The following ANKRD18B variants were observed in gnomAD, a reference collection of about 807,000 sequenced individuals.
ANKRD18B encodes the protein ankyrin repeat domain 18B.
Under a neutral mutation model 111.8 loss-of-function variants are expected in ANKRD18B, and 75 were observed. The observed-to-expected ratio is 0.67, with a 90% confidence interval of 0.56 to 0.81. ANKRD18B has a LOEUF of 0.81. ANKRD18B is among the 40% of genes least tolerant of loss of function. ANKRD18B has a pLI of 0.00. For missense variants in ANKRD18B, 1,038 were observed against 1,225.5 expected (o/e 0.85, Z 2.28); for synonymous variants, 356 against 417.3 (o/e 0.85, Z 1.79).
At chr9:33,533,311 G>A (rs1279073956) in intron 3 of ANKRD18B, 128 bp from the exon 4 acceptor site, 13 of 1,457,682 alleles carry the variant, frequency 8.9e-6, no homozygotes, top group Admixed American at 8.7e-5. Flanking sequence ...TGAAAGGGAC[G>A]GGACTGCTTT....
rs934825602 is a variant in ANKRD18B, at chr9:33,536,947, T to G, written c.808+2T>G. ...ATCATCTTCGAAATGACAATCAAGGTAAGACTTCTGATAGTAAATTTCTCA... is the reference window on the plus strand; with the variant it reads ...ATCATCTTCGAAATGACAATCAAGGGAAGACTTCTGATAGTAAATTTCTCA... On this transcript the variant is annotated splice_donor_variant, in intron 6 of 18. Coordinates refer to ENST00000684830, the MANE Select transcript of ANKRD18B (RefSeq NM_001393611.1). LOFTEE classifies it high-confidence loss of function. 2.0e-6 allele frequency: 3 copies of G among 1,473,180 alleles called. No individual in the cohort carries two copies. In the African/African-American group the frequency reaches 4.4e-5, roughly 21 times the overall value. 91.3% of individuals were successfully genotyped at this position (1,473,180 alleles called of 1,614,324 possible).
chr9:33,553,316 G>A (rs926606841), intron 12 of ANKRD18B, among the ~76,000 whole-genome samples: 6 of 152,014 alleles, frequency 3.9e-5, no homozygotes, highest in South Asian at 4.2e-4. Flanking sequence ...TGCAGTGAGC[G>A]GTGATCAAGC....
chr9:33,561,675 A>AT (rs1349883894), intron 14 of ANKRD18B, among the ~76,000 whole-genome samples: 8 of 152,178 alleles, frequency 5.3e-5, no homozygotes, highest in Non-Finnish European at 1.0e-4. Context: ...TTTTGAGTTA[A>AT]TTTTTAAATA....
Position 33,548,322 on chromosome 9 carries a change from G to T in ANKRD18B, c.1534G>T (p.Asp512Tyr). 3 of 1,549,528 alleles carry T rather than the reference G, an allele frequency of 1.9e-6. No homozygotes were observed. The highest frequency in any genetic ancestry group is 1.7e-6 in the Non-Finnish European group (2 of 1,146,210). ...GTACAATGAAATTTTGGAAAGAAAAGACCTAGAACTAGTTTTATGGAGAGC... is the reference window on the plus strand; with the variant it reads ...GTACAATGAAATTTTGGAAAGAAAATACCTAGAACTAGTTTTATGGAGAGC... ...NEYNEILERKDLELVLWRADD... is the reference protein window; with the variant it reads ...NEYNEILERKYLELVLWRADD... Residue 512 changes from aspartate (D) to tyrosine (Y), a missense_variant, in exon 11 of 19, where the codon GAC becomes TAC. By Grantham distance (160) the Asp-to-Tyr change is radical. Around this residue, in one of 4 missense-constraint regions of ANKRD18B, gnomAD observed 205 missense variants for 201.3 expected, o/e 1.02. Coordinates refer to ENST00000684830, the MANE Select transcript of ANKRD18B (RefSeq NM_001393611.1).
chr9:33,531,167 T>G (rs2985593), intron 3 of ANKRD18B, among the ~76,000 whole-genome samples: 5,355 of 152,296 alleles, frequency 0.035, 241 homozygotes, highest in African/African-American at 0.1. Context: ...TCTATTTGGT[T>G]AACAATCTGG....
chr9:33,525,907 T>A (rs116477172), intron 1 of ANKRD18B, among the ~76,000 whole-genome samples: 2,479 of 151,586 alleles, frequency 0.016, 56 homozygotes, highest in African/African-American at 0.055. Flanking sequence ...TATACATATA[T>A]ACAGATAAAA....
At chr9:33,557,689 G>A (rs1370047295) in intron 13 of ANKRD18B, among the ~76,000 whole-genome samples, 1 of 152,068 alleles carries the variant, frequency 6.6e-6, no homozygotes. Context: ...TTGGGAGGCT[G>A]AGACAGGAGA....
chr9:33,524,791 G>C, intron 1 of ANKRD18B, 96 bp downstream of exon 1: 1 of 1,403,402 alleles, frequency 7.1e-7, no homozygotes, highest in South Asian at 1.5e-5. Context: ...GGGACCCTGG[G>C]AGCCGCGGAG....
chr9:33,568,634 A>G (rs1256973804), intron 16 of ANKRD18B, 37 bp from the exon 17 acceptor site: 1 of 1,453,668 alleles, frequency 6.9e-7, no homozygotes, highest in Non-Finnish European at 9.1e-7. Flanking sequence ...TCAAGGTAAA[A>G]TGAAATACTA....
At chr9:33,570,693 C>T (rs1372046123) in intron 17 of ANKRD18B, among the ~76,000 whole-genome samples, 2 of 150,044 alleles carry the variant, frequency 1.3e-5, no homozygotes, top group Non-Finnish European at 3.0e-5. Context: ...GCTGGAGTGC[C>T]GTGGCATGAT....
At chr9:33,565,930 G>A (rs779039665) in intron 14 of ANKRD18B, among the ~76,000 whole-genome samples, 1 of 152,156 alleles carries the variant, frequency 6.6e-6, no homozygotes, top group Non-Finnish European at 1.5e-5. Context: ...AGATAACTTA[G>A]TGCCATTTAA....
At chr9:33,566,181 C>G in intron 14 of ANKRD18B, 38 bp from the exon 15 acceptor site, 1 of 1,504,424 alleles carries the variant, frequency 6.6e-7, no homozygotes, top group Non-Finnish European at 9.0e-7. Context: ...TATTCTCAGC[C>G]TACTTCATTA....
chr9:33,566,406 A>T lies in ANKRD18B; in HGVS notation c.2648A>T (p.Asp883Val). 6.2e-7 allele frequency: 1 copy of T among 1,606,846 alleles called. No homozygotes were observed. Among genetic ancestry groups the T allele is most frequent in the Non-Finnish European group, 8.5e-7 (1 of 1,176,474 alleles). Residue 883 changes from aspartate (D) to valine (V), a missense_variant, in exon 15 of 19, where the codon GAT becomes GTT. By Grantham distance (152) the Asp-to-Val change is radical. Transcript: ENST00000684830. ...VLNLKTHMEKDMVELGKVQEY... is the reference protein window; with the variant it reads ...VLNLKTHMEKVMVELGKVQEY... ...AATCTTAAGACACATATGGAAAAAGATATGGTAGAACTTGGTAAAGTACAA... is the reference window on the plus strand; with the variant it reads ...AATCTTAAGACACATATGGAAAAAGTTATGGTAGAACTTGGTAAAGTACAA...
intron 5 of ANKRD18B, among the ~76,000 whole-genome samples, chr9:33,535,274 GTGTTT>G (rs908012376): frequency 6.6e-6 from 1 of 151,798 alleles, no homozygotes; most frequent in African/African-American, 2.4e-5. Flanking sequence ...CACAGCTACA[GTGTTT>G]TGTTTTGTTT....
At chr9:33,537,019 A>G in intron 6 of ANKRD18B, 74 bp downstream of exon 6, 1 of 1,169,486 alleles carries the variant, frequency 8.6e-7, no homozygotes. Flanking sequence ...ATTACAGGCC[A>G]GGCATGGTGG....
In ANKRD18B at chr9:33,560,041, G is replaced by A. The variant is rs1432379458; in HGVS notation, c.2460+1854G>A. The stretch of plus-strand genomic sequence containing the variant: ...TATAAGCCTCTGAAATAAAAAGCAA[G>A]TGGTCGACTGGGACTGGCTTATTTC... On this transcript the variant is annotated intron_variant, in intron 14 of 18. Coordinates refer to ENST00000684830, the MANE Select transcript of ANKRD18B (RefSeq NM_001393611.1). Among the ~76,000 whole-genome samples, 3 of 152,150 alleles carry A rather than the reference G, an allele frequency of 2.0e-5. No homozygotes were observed. In the East Asian group the frequency reaches 5.8e-4, roughly 29 times the overall value.
intron 11 of ANKRD18B, among the ~76,000 whole-genome samples, chr9:33,549,065 C>T (rs998767521): frequency 1.3e-5 from 2 of 151,980 alleles, no homozygotes; most frequent in Non-Finnish European, 2.9e-5. Context: ...GGAAGCGGGT[C>T]GTGACTGCTA....
At chr9:33,547,699 T>A (rs1244019837) in intron 10 of ANKRD18B, among the ~76,000 whole-genome samples, 1 of 151,570 alleles carries the variant, frequency 6.6e-6, no homozygotes, top group Admixed American at 6.6e-5. Flanking sequence ...TGTGTGTGTG[T>A]GTGTGTGTGT....
intron 18 of ANKRD18B, 177 bp from the exon 19 acceptor site, chr9:33,572,139 C>T: frequency 3.4e-6 from 2 of 594,852 alleles, no homozygotes; most frequent in South Asian, 2.4e-5. Context: ...TATTTAACCA[C>T]AATTAGAATT....
Sources: allele counts gnomAD v4.1 joint callset (sites outside exome capture counted in the v4.1 genomes callset), GRCh38; gene constraint gnomAD v4.1.1; regional missense constraint gnomAD v4.1.1; transcripts MANE v1.5; gene names NCBI Gene and HGNC (gene_info 2026-07-23, HGNC 2026-07-21).